The following NSMCE2 variants were observed in gnomAD, a reference collection of about 807,000 sequenced individuals.
NSMCE2 encodes the protein NSE2 SUMO ligase component of SMC5/6 complex, also known as E3 SUMO-protein ligase NSE2.
A neutral mutation model predicts 23.8 loss-of-function variants in NSMCE2; 24 were observed. The ratio of observed to expected loss-of-function variants is 1.01; its 90% confidence interval spans 0.73 to 1.42. The LOEUF (loss-of-function observed/expected upper bound fraction) is 1.42, where lower values mean the gene tolerates loss of function less well. Among genes scored for constraint, NSMCE2 ranks in the 40% most tolerant of loss-of-function variants. The pLI is 0.00. For missense variants in NSMCE2, 284 were observed against 296.5 expected (o/e 0.96, Z 0.31); for synonymous variants, 92 against 94.1 (o/e 0.98, Z 0.13).
chr8:125,227,042 CT>C (rs1217082668), intron 5 of NSMCE2, among the ~76,000 whole-genome samples: 3 of 152,118 alleles, frequency 2.0e-5, no homozygotes, highest in African/African-American at 4.8e-5. Context: ...ACAGCCATGT[CT>C]GGTGCAGTCT....
chr8:125,198,951 C>T (rs1179579996), intron 5 of NSMCE2, among the ~76,000 whole-genome samples: 1 of 152,094 alleles, frequency 6.6e-6, no homozygotes, highest in African/African-American at 2.4e-5. Flanking sequence ...TCCATTTCTT[C>T]TAGATTTTCT....
intron 5 of NSMCE2, among the ~76,000 whole-genome samples, chr8:125,184,620 A>G (rs1478246258): frequency 6.6e-6 from 1 of 152,116 alleles, no homozygotes; most frequent in East Asian, 1.9e-4. Flanking sequence ...TTTGAAAAAT[A>G]CTCTATAAGA....
chr8:125,173,053 C>T lies in NSMCE2; in HGVS notation c.265-9050C>T, dbSNP rs1822298936. ...AGGTGTTCCAGGTTCCAGACACACA[C>T]CTCCCTTCTCTCATCCTGTTGCAAC... On this transcript the variant is annotated intron_variant, in intron 4 of 7. Coordinates refer to ENST00000287437, the MANE Select transcript of NSMCE2 (RefSeq NM_173685.4). Among the ~76,000 whole-genome samples the T allele has an allele frequency of 2.0e-5, 3 of 152,278 alleles. No individual in the cohort carries two copies. In the South Asian group the frequency reaches 6.2e-4, roughly 32 times the overall value.
chr8:125,102,239 C>T (rs1183500460), intron 2 of NSMCE2, 78 bp from the exon 3 acceptor site: 15 of 917,264 alleles, frequency 1.6e-5, no homozygotes, highest in Non-Finnish European at 2.1e-5. Context: ...TGAATGTTTA[C>T]AGCAGTTTTA....
chr8:125,330,768 G>T (rs866482127), intron 5 of NSMCE2, among the ~76,000 whole-genome samples: 1 of 152,274 alleles, frequency 6.6e-6, no homozygotes, highest in African/African-American at 2.4e-5. Context: ...CTTTGGAGGA[G>T]TGATGATCAC....
At chr8:125,232,737 TA>T (rs1212337183) in intron 5 of NSMCE2, among the ~76,000 whole-genome samples, 1 of 152,198 alleles carries the variant, frequency 6.6e-6, no homozygotes, top group Non-Finnish European at 1.5e-5. Context: ...TATGTTATCG[TA>T]AAGCCAACAT....
intron 3 of NSMCE2, among the ~76,000 whole-genome samples, chr8:125,125,835 C>G (rs149470003): frequency 6.6e-6 from 1 of 152,150 alleles, no homozygotes; most frequent in Non-Finnish European, 1.5e-5. Context: ...TCATAGTTCA[C>G]CTTGTTGTCC....
intron 5 of NSMCE2, among the ~76,000 whole-genome samples, chr8:125,193,018 A>G (rs1823429105): frequency 6.6e-6 from 1 of 152,250 alleles, no homozygotes; most frequent in Non-Finnish European, 1.5e-5. Flanking sequence ...TATATTAACA[A>G]CGTATAATAG....
chr8:125,272,314 A>C (rs992633663), intron 5 of NSMCE2, among the ~76,000 whole-genome samples: 3 of 151,630 alleles, frequency 2.0e-5, no homozygotes, highest in African/African-American at 7.3e-5. Flanking sequence ...GCGCCCGGCA[A>C]ATCTGCAGTT....
intron 4 of NSMCE2, among the ~76,000 whole-genome samples, chr8:125,152,175 A>G (rs1034110951): frequency 2.0e-4 from 30 of 152,216 alleles, no homozygotes; most frequent in African/African-American, 6.8e-4. Flanking sequence ...AACTTTAAGA[A>G]TATCACCTAT....
intron 6 of NSMCE2, 36 bp downstream of exon 6, chr8:125,357,355 G>C (rs79536300): frequency 7.5e-7 from 1 of 1,330,728 alleles, no homozygotes; most frequent in African/African-American, 1.4e-5. Context: ...AAAGAAACAC[G>C]ATTCACTTCA....
At chr8:125,100,054 TA>T (rs1818110837) in intron 1 of NSMCE2, among the ~76,000 whole-genome samples, 1 of 151,948 alleles carries the variant, frequency 6.6e-6, no homozygotes. Flanking sequence ...AGCAACAGTT[TA>T]TTCATTTTAA....
intron 4 of NSMCE2, among the ~76,000 whole-genome samples, chr8:125,161,589 G>A (rs562987750): frequency 3.3e-5 from 5 of 152,148 alleles, no homozygotes; most frequent in Non-Finnish European, 7.4e-5. Context: ...TCTGAGGCCA[G>A]GAGTTCGAGA....
chr8:125,136,446 A>G (rs1222978948), intron 3 of NSMCE2, among the ~76,000 whole-genome samples: 3 of 152,186 alleles, frequency 2.0e-5, no homozygotes, highest in African/African-American at 7.2e-5. Context: ...TGAGGAGTCT[A>G]AGATGACTTT....
At chr8:125,114,928 G>C (rs980032475) in intron 3 of NSMCE2, among the ~76,000 whole-genome samples, 1 of 152,126 alleles carries the variant, frequency 6.6e-6, no homozygotes, top group Non-Finnish European at 1.5e-5. Context: ...TGGCAGTTAA[G>C]GCTTTTCCTT....
At chr8:125,168,291 G>A (rs943375392) in intron 4 of NSMCE2, among the ~76,000 whole-genome samples, 3 of 152,156 alleles carry the variant, frequency 2.0e-5, no homozygotes, top group Admixed American at 6.6e-5. Context: ...AAGTTTCTGT[G>A]TTATAAGCTG....
chr8:125,270,131 A>G (rs1054780622), intron 5 of NSMCE2, among the ~76,000 whole-genome samples: 1 of 152,208 alleles, frequency 6.6e-6, no homozygotes, highest in Non-Finnish European at 1.5e-5. Context: ...TGGAGACAGT[A>G]TACAGGAGAT....
At chr8:125,206,072 G>C (rs934513972) in intron 5 of NSMCE2, among the ~76,000 whole-genome samples, 1 of 152,086 alleles carries the variant, frequency 6.6e-6, no homozygotes, top group African/African-American at 2.4e-5. Context: ...TCTATAAAAT[G>C]ACGTGTTCAG....
At chr8:125,335,105 C>A (rs963790114) in intron 5 of NSMCE2, among the ~76,000 whole-genome samples, 2 of 152,080 alleles carry the variant, frequency 1.3e-5, no homozygotes, top group African/African-American at 4.8e-5. Flanking sequence ...TGAAGCAATT[C>A]TTGAGGGTGT....
Sources: allele counts gnomAD v4.1 joint callset (sites outside exome capture counted in the v4.1 genomes callset), GRCh38; gene constraint gnomAD v4.1.1; transcripts MANE v1.5; gene names NCBI Gene and HGNC (gene_info 2026-07-23, HGNC 2026-07-21).